RBFOX1: variants seen among roughly 807,000 people sequenced by gnomAD.
RBFOX1 encodes the protein RNA binding fox-1 homolog 1, also known as RNA binding protein fox-1 homolog 1.
Under a neutral mutation model 57.7 loss-of-function variants are expected in RBFOX1, and 8 were observed. The ratio of observed to expected loss-of-function variants is 0.14; its 90% CI spans 0.08 to 0.25. RBFOX1 has a LOEUF of 0.25. Ranked by LOEUF, RBFOX1 falls within the 10% of genes least tolerant of loss-of-function variation. The pLI is 1.00. For synonymous variants in RBFOX1, 326 were observed against 222.4 expected (o/e 1.47, Z -4.15); for missense variants, 611 against 548.5 (o/e 1.11, Z -1.14).
chr16:5,472,364 A>G (rs3848383), intron 2 of RBFOX1, among the ~76,000 whole-genome samples: 3 of 151,872 alleles, frequency 2.0e-5, no homozygotes, highest in Non-Finnish European at 4.4e-5. Context: ...CCCAACCCCC[A>G]TTGCAAGAAA....
At chr16:6,376,401 G>T (rs2091183283) in intron 2 of RBFOX1, among the ~76,000 whole-genome samples, 1 of 152,164 alleles carries the variant, frequency 6.6e-6, no homozygotes, top group African/African-American at 2.4e-5. Flanking sequence ...TGGAGCCCAG[G>T]AGGCTGAAAT....
At chr16:5,425,343 A>G (rs1229793695) in intron 1 of RBFOX1, among the ~76,000 whole-genome samples, 1 of 152,020 alleles carries the variant, frequency 6.6e-6, no homozygotes, top group Non-Finnish European at 1.5e-5. Flanking sequence ...TGACCTCATG[A>G]TCCGCCCACC....
At chr16:6,766,848 G>A (rs2077400148) in intron 3 of RBFOX1, among the ~76,000 whole-genome samples, 1 of 151,930 alleles carries the variant, frequency 6.6e-6, no homozygotes, top group African/African-American at 2.4e-5. Context: ...GGGGATCTGG[G>A]GAAGCATGTT....
intron 3 of RBFOX1, among the ~76,000 whole-genome samples, chr16:7,035,302 A>G (rs915631781): frequency 2.0e-5 from 3 of 152,072 alleles, no homozygotes; most frequent in Admixed American, 2.0e-4. Flanking sequence ...AGGCTTGCCC[A>G]TTTGACTGTG....
At chr16:7,664,652 C>T (rs1488723451) in intron 12 of RBFOX1, 2 of 478,258 alleles carry the variant, frequency 4.2e-6, no homozygotes, top group Non-Finnish European at 3.7e-6. Flanking sequence ...CAAAGTCGTG[C>T]CTTTCTGTAC....
intron 3 of RBFOX1, among the ~76,000 whole-genome samples, chr16:6,835,463 A>G (rs987189373): frequency 1.3e-5 from 2 of 152,092 alleles, no homozygotes; most frequent in African/African-American, 2.4e-5. Context: ...TTAAGTTTCT[A>G]TCTTCTTGGC....
At chr16:7,234,867 A>C (rs1467488392) in intron 4 of RBFOX1, among the ~76,000 whole-genome samples, 3 of 152,046 alleles carry the variant, frequency 2.0e-5, no homozygotes, top group African/African-American at 7.2e-5. Context: ...AATGGATAAC[A>C]ATTTTGTATG....
intron 4 of RBFOX1, among the ~76,000 whole-genome samples, chr16:7,094,075 T>C (rs949729550): frequency 4.0e-5 from 6 of 150,404 alleles, no homozygotes; most frequent in Admixed American, 6.7e-5. Context: ...GAGCAAAACA[T>C]ACTAGATGTG....
intron 3 of RBFOX1, among the ~76,000 whole-genome samples, chr16:6,947,466 A>G (rs2079785502): frequency 6.6e-6 from 1 of 152,188 alleles, no homozygotes; most frequent in African/African-American, 2.4e-5. Flanking sequence ...GGCTGAGAAC[A>G]TATGTTCTTG....
chr16:6,674,199 C>G (rs754599597), intron 3 of RBFOX1, among the ~76,000 whole-genome samples: 1 of 152,200 alleles, frequency 6.6e-6, no homozygotes, highest in Non-Finnish European at 1.5e-5. Flanking sequence ...TTTCCCACCC[C>G]CATACCTGTG....
At chr16:6,356,688 G>T (rs968182986) in intron 2 of RBFOX1, among the ~76,000 whole-genome samples, 3 of 152,162 alleles carry the variant, frequency 2.0e-5, no homozygotes, top group Non-Finnish European at 4.4e-5. Context: ...CATTACCGTG[G>T]TATCCTGGAT....
chr16:7,519,129 T>A (rs1171956343), intron 5 of RBFOX1, among the ~76,000 whole-genome samples: 1 of 152,208 alleles, frequency 6.6e-6, no homozygotes, highest in Non-Finnish European at 1.5e-5. Context: ...TACGGAGTTG[T>A]GCGATGATTG....
At chr16:6,239,383 T>C (rs2097527697) in intron 1 of RBFOX1, among the ~76,000 whole-genome samples, 1 of 151,786 alleles carries the variant, frequency 6.6e-6, no homozygotes, top group South Asian at 2.1e-4. Flanking sequence ...GCTTGTCATA[T>C]GAATGAAAAA....
chr16:7,197,482 A>G (rs925762866), intron 4 of RBFOX1, among the ~76,000 whole-genome samples: 8 of 151,048 alleles, frequency 5.3e-5, no homozygotes, highest in African/African-American at 9.8e-5. Flanking sequence ...GTGATACTGC[A>G]GAATTATCAC....
In RBFOX1 at chr16:7,479,709, A is replaced by G. The variant is rs555981296; in HGVS notation, c.28-38438A>G. ...GCTTCTCTCCGAGGGGAAGTGGGGC[A>G]CCTGGAGGGGGGGCAGGTGTAGGTG... On this transcript the variant is annotated intron_variant, in intron 4 of 15. Transcript: ENST00000550418. 3.9e-5 allele frequency among the ~76,000 whole-genome samples: 6 copies of G among 152,112 alleles called. No homozygotes were observed. The East Asian group carries it at 1.2e-3, about 30-fold the overall frequency.
chr16:6,441,505 C>T (rs1284981356), intron 2 of RBFOX1, among the ~76,000 whole-genome samples: 3 of 152,100 alleles, frequency 2.0e-5, no homozygotes, highest in African/African-American at 7.2e-5. Flanking sequence ...CAACCTCTGC[C>T]TCCAGGATTC....
intron 2 of RBFOX1, among the ~76,000 whole-genome samples, chr16:6,591,589 C>T (rs1423659331): frequency 1.3e-5 from 2 of 152,118 alleles, no homozygotes; most frequent in Non-Finnish European, 2.9e-5. Flanking sequence ...TGGGAGTGAC[C>T]CAGTCATTTT....
At chr16:5,428,709 A>G (rs917134044) in intron 1 of RBFOX1, among the ~76,000 whole-genome samples, 31 of 152,152 alleles carry the variant, frequency 2.0e-4, no homozygotes, top group Non-Finnish European at 4.4e-4. Flanking sequence ...GAAAGTGTAG[A>G]CAGATGGTAC....
intron 4 of RBFOX1, among the ~76,000 whole-genome samples, chr16:7,367,334 C>G (rs950900865): frequency 1.3e-5 from 2 of 152,204 alleles, no homozygotes; most frequent in Admixed American, 6.5e-5. Flanking sequence ...GAAGTCCTGT[C>G]ACAAGCAGAG....
Sources: gnomAD v4.1 joint callset for allele counts (sites outside exome capture counted in the v4.1 genomes callset) on GRCh38, gnomAD v4.1.1 for gene constraint, MANE v1.5 for transcripts, NCBI Gene and HGNC (gene_info 2026-07-23, HGNC 2026-07-21) for gene names.